CTNNA2: variants seen among roughly 807,000 people sequenced by gnomAD.
CTNNA2 encodes the protein catenin alpha 2, also known as catenin alpha-2.
A neutral mutation model predicts 101.0 loss-of-function variants in CTNNA2; 42 were observed. The ratio of observed to expected loss-of-function variants is 0.42; its 90% confidence interval spans 0.32 to 0.54. The LOEUF (loss-of-function observed/expected upper bound fraction) is 0.54, where lower values mean the gene tolerates loss of function less well. Ranked by LOEUF, CTNNA2 falls within the 20% of genes least tolerant of loss-of-function variation. The pLI is 0.14. For missense variants in CTNNA2, 871 were observed against 1,223.1 expected, an observed-to-expected ratio of 0.71 and a Z score of 4.29; for synonymous variants, 450 against 456.4, an observed-to-expected ratio of 0.99 and a Z score of 0.18.
chr2:79,637,833 G>C (rs1680182469), intron 1 of CTNNA2, among the ~76,000 whole-genome samples: 1 of 152,204 alleles, frequency 6.6e-6, no homozygotes. Context: ...ACAAACTTTG[G>C]TTGAATTCCA....
chr2:79,940,505 C>T (rs560530312), intron 7 of CTNNA2, among the ~76,000 whole-genome samples: 32 of 152,318 alleles, frequency 2.1e-4, no homozygotes, highest in African/African-American at 7.2e-4. Flanking sequence ...CCTGTGCTTC[C>T]TCTGCCTAGC....
intron 7 of CTNNA2, among the ~76,000 whole-genome samples, chr2:80,113,663 A>G (rs1438601306): frequency 6.6e-6 from 1 of 152,268 alleles, no homozygotes; most frequent in Non-Finnish European, 1.5e-5. Context: ...CTGGCATGTA[A>G]GCCAAAAAAC....
At chr2:80,421,803 A>AAT (rs2149409926) in intron 9 of CTNNA2, among the ~76,000 whole-genome samples, 1 of 116,976 alleles carries the variant, frequency 8.5e-6, no homozygotes, top group East Asian at 2.2e-4. Flanking sequence ...GCATATATAC[A>AAT]AAAAAAAAAA....
chr2:79,913,551 A>G (rs981056041), intron 7 of CTNNA2, among the ~76,000 whole-genome samples: 1 of 152,194 alleles, frequency 6.6e-6, no homozygotes, highest in Non-Finnish European at 1.5e-5. Context: ...TGCTGAGAAC[A>G]GGCCACAAAG....
intron 7 of CTNNA2, among the ~76,000 whole-genome samples, chr2:80,044,478 GA>G (rs898394669): frequency 1.3e-5 from 2 of 152,010 alleles, no homozygotes; most frequent in Non-Finnish European, 2.9e-5. Flanking sequence ...ATGCCATTAT[GA>G]AAAAAATACA....
rs568417127 is a variant in CTNNA2, at chr2:79,819,175, C to A, written c.299-38838C>A. 9.2e-5 allele frequency among the ~76,000 whole-genome samples: 14 copies of A among 151,870 alleles called. No individual in the cohort carries two copies. In the East Asian group the frequency reaches 2.5e-3, roughly 28 times the overall value. On this transcript the variant is annotated intron_variant, in intron 3 of 18. Coordinates refer to ENST00000402739, the MANE Select transcript of CTNNA2 (RefSeq NM_001282597.3). ...TGTATTTTTAGTAGAGATGGGGTTT[C>A]TCCATGTTGGTCAGGCTAGTCTTGA...
At chr2:79,575,793 T>A (rs1675757571) in intron 1 of CTNNA2, among the ~76,000 whole-genome samples, 1 of 152,188 alleles carries the variant, frequency 6.6e-6, no homozygotes. Flanking sequence ...GGAAAGAGCC[T>A]GCTTGGATTG....
chr2:80,443,616 C>CTCAGAGCTATAAAAT (rs1235945032), intron 9 of CTNNA2, among the ~76,000 whole-genome samples: 1 of 152,108 alleles, frequency 6.6e-6, no homozygotes, highest in Non-Finnish European at 1.5e-5. Flanking sequence ...GAATTGGGCT[C>CTCAGAGCTATAAAAT]TCAGAGCTAT....
rs117575484 is a variant in CTNNA2 at position 80,551,021 on chromosome 2, A to C, written c.1541-4672A>C. On this transcript the variant is annotated intron_variant, in intron 11 of 18. Coordinates refer to ENST00000402739, the MANE Select transcript of CTNNA2 (RefSeq NM_001282597.3). ...AATTTTCTAAATAATAAGACTTGAA[A>C]GTCAAAATGACTCCTTGATACATCT... Among the ~76,000 whole-genome samples the C allele has an allele frequency of 2.7e-3, 415 of 152,296 alleles. 5 individuals are homozygous for C. The East Asian group carries it at 0.037, about 14-fold the overall frequency.
At chr2:79,441,213 CTGT>C (rs1220650130) in intron 4 of CTNNA2, among the ~76,000 whole-genome samples, 1 of 152,164 alleles carries the variant, frequency 6.6e-6, no homozygotes, top group Non-Finnish European at 1.5e-5. Flanking sequence ...GCTGCTCCTC[CTGT>C]TGTTCATGAG....
chr2:79,891,976 C>T (rs1185320022), intron 6 of CTNNA2, among the ~76,000 whole-genome samples: 1 of 151,952 alleles, frequency 6.6e-6, no homozygotes, highest in Admixed American at 6.6e-5. Context: ...AATCTGTTTA[C>T]AGATATGTTG....
At chr2:80,170,282 T>G (rs1245494307) in intron 7 of CTNNA2, among the ~76,000 whole-genome samples, 1 of 151,982 alleles carries the variant, frequency 6.6e-6, no homozygotes. Flanking sequence ...CCTTCATATA[T>G]CAAAGTGACA....
chr2:79,953,589 G>A (rs1042772165), intron 7 of CTNNA2, among the ~76,000 whole-genome samples: 1 of 152,178 alleles, frequency 6.6e-6, no homozygotes, highest in Non-Finnish European at 1.5e-5. Flanking sequence ...GGTGAAGTAC[G>A]ACTGACACAC....
chr2:79,392,426 G>A (rs1049577414), intron 4 of CTNNA2, among the ~76,000 whole-genome samples: 1 of 152,050 alleles, frequency 6.6e-6, no homozygotes, highest in African/African-American at 2.4e-5. Flanking sequence ...AAGGATCAAT[G>A]TTTTCTCTGA....
intron 7 of CTNNA2, among the ~76,000 whole-genome samples, chr2:80,359,222 A>G (rs977666804): frequency 6.6e-6 from 1 of 152,166 alleles, no homozygotes; most frequent in Admixed American, 6.6e-5. Flanking sequence ...AAATAAATAA[A>G]AAATAAATAA....
At chr2:80,292,229 A>ATAACTCTTTCAT (rs1675325205) in intron 7 of CTNNA2, among the ~76,000 whole-genome samples, 1 of 152,192 alleles carries the variant, frequency 6.6e-6, no homozygotes. Context: ...TTTATAAGGA[A>ATAACTCTTTCAT]TAACTCTTTC....
At chr2:79,326,409 G>A (rs1014487910) in intron 3 of CTNNA2, among the ~76,000 whole-genome samples, 2 of 151,842 alleles carry the variant, frequency 1.3e-5, no homozygotes, top group African/African-American at 4.8e-5. Flanking sequence ...AAGACTGTTT[G>A]GGCTTATTTT....
chr2:80,056,969 T>G lies in CTNNA2; in HGVS notation c.1056+147172T>G, dbSNP rs192434001. ...CCAATGAGCATAGAAAAGGTTCCTCTTGTGGTTAGTTGTATGAGAATTTGA... is the reference window on the plus strand; with the variant it reads ...CCAATGAGCATAGAAAAGGTTCCTCGTGTGGTTAGTTGTATGAGAATTTGA... On this transcript the variant is annotated intron_variant, in intron 7 of 18. Coordinates refer to ENST00000402739, the MANE Select transcript of CTNNA2 (RefSeq NM_001282597.3). 3.5e-4 allele frequency among the ~76,000 whole-genome samples: 54 copies of G among 152,330 alleles called. No individual in the cohort carries two copies. The East Asian group carries it at 8.9e-3, about 25-fold the overall frequency.
chr2:79,651,102 A>G (rs954465351), intron 1 of CTNNA2, among the ~76,000 whole-genome samples: 1 of 152,126 alleles, frequency 6.6e-6, no homozygotes, highest in Non-Finnish European at 1.5e-5. Flanking sequence ...TGTGGAAGTC[A>G]GTGTGGCGAT....
Sources: gnomAD v4.1 joint callset for allele counts (sites outside exome capture counted in the v4.1 genomes callset) on GRCh38, gnomAD v4.1.1 for gene constraint, MANE v1.5 for transcripts, NCBI Gene and HGNC (gene_info 2026-07-23, HGNC 2026-07-21) for gene names.